Variants in VAT1L observed in about 807,000 individuals in gnomAD.
VAT1L encodes vesicle amine transport 1 like.
Under a neutral mutation model 44.1 loss-of-function variants are expected in VAT1L, and 34 were observed. The ratio of observed to expected loss-of-function variants is 0.77; its 90% confidence interval spans 0.59 to 1.03. The LOEUF is 1.03. Ranked by LOEUF, VAT1L falls within the 50% of genes least tolerant of loss-of-function variation. VAT1L has a pLI of 0.00. For missense variants in VAT1L, 615 were observed against 538.8 expected, an observed-to-expected ratio of 1.14 and a Z score of -1.40; for synonymous variants, 253 against 202.2, an observed-to-expected ratio of 1.25 and a Z score of -2.13.
chr16:77,920,361 TC>T (rs2017598494), intron 7 of VAT1L, among the ~76,000 whole-genome samples: 1 of 152,242 alleles, frequency 6.6e-6, no homozygotes, highest in South Asian at 2.1e-4. Context: ...ATAGCCTGTA[TC>T]CCAGCAATGC....
intron 7 of VAT1L, among the ~76,000 whole-genome samples, chr16:77,913,096 C>G (rs1447691897): frequency 6.6e-6 from 1 of 152,132 alleles, no homozygotes; most frequent in Non-Finnish European, 1.5e-5. Context: ...GCAGCTTTTG[C>G]TGTTTCTCCG....
chr16:77,835,332 T>C (rs758924392), intron 3 of VAT1L, among the ~76,000 whole-genome samples: 39 of 152,330 alleles, frequency 2.6e-4, no homozygotes, highest in Admixed American at 2.0e-4. Context: ...TATCCAACAG[T>C]CTGAATAGTC....
rs374354387 is a variant in VAT1L at position 77,832,860 on chromosome 16, C to T, written c.579+7399C>T. The stretch of plus-strand genomic sequence containing the variant: ...CCAACATCATCTTATCATTAAGCCA[C>T]AACAGCATGGAGCAAGTGACGATCT... On this transcript the variant is annotated intron_variant, in intron 3 of 8. Transcript: ENST00000302536. Among the ~76,000 whole-genome samples the T allele has an allele frequency of 5.3e-5, 8 of 152,316 alleles. No individual in the cohort carries two copies. The East Asian group carries it at 1.3e-3, about 26-fold the overall frequency.
At chr16:77,834,820 T>G (rs1402607845) in intron 3 of VAT1L, among the ~76,000 whole-genome samples, 1 of 152,218 alleles carries the variant, frequency 6.6e-6, no homozygotes, top group Non-Finnish European at 1.5e-5. Context: ...GCCTGGGCCC[T>G]GGAGTCAGTC....
intron 7 of VAT1L, among the ~76,000 whole-genome samples, chr16:77,938,887 C>CT (rs147647154): frequency 0.16 from 23,945 of 152,042 alleles, 2,332 homozygotes; most frequent in Non-Finnish European, 0.22. Flanking sequence ...ATCATCATTG[C>CT]TTTTTCTAAA....
At chr16:77,844,695 C>T (rs970820833) in intron 3 of VAT1L, among the ~76,000 whole-genome samples, 5 of 152,148 alleles carry the variant, frequency 3.3e-5, no homozygotes, top group Non-Finnish European at 5.9e-5. Context: ...AGGCGTGAGC[C>T]ACCACATCTG....
rs575654067 is a variant in VAT1L at position 77,961,116 on chromosome 16, G to C, written c.1078-10734G>C. On this transcript the variant is annotated intron_variant, in intron 7 of 8. Transcript: ENST00000302536. ...AGGACGCTGCAGCTCCTGTGCTGCTGTCTGTCTTTAACCTTGAGGGAAACA... is the reference window on the plus strand; with the variant it reads ...AGGACGCTGCAGCTCCTGTGCTGCTCTCTGTCTTTAACCTTGAGGGAAACA... 1.6e-3 allele frequency among the ~76,000 whole-genome samples: 243 copies of C among 152,234 alleles called. 1 individual carries two copies. The highest frequency in any genetic ancestry group is 2.7e-3 in the South Asian group (13 of 4,816).
chr16:77,830,352 C>A (rs544064817), intron 3 of VAT1L, among the ~76,000 whole-genome samples: 118 of 152,256 alleles, frequency 7.8e-4, no homozygotes, highest in Non-Finnish European at 1.3e-3. Context: ...GTAGCCTTAA[C>A]CCTTTAATAA....
intron 2 of VAT1L, among the ~76,000 whole-genome samples, chr16:77,820,517 G>T (rs1411201022): frequency 2.0e-5 from 3 of 152,140 alleles, no homozygotes; most frequent in African/African-American, 7.2e-5. Context: ...TGCAGAATAA[G>T]AGAAGGACCC....
rs2017189029 is a variant in VAT1L at position 77,884,542 on chromosome 16, A to G, written c.883-66A>G. 1 of 1,510,858 alleles carries G rather than the reference A, an allele frequency of 6.6e-7. No individual in the cohort carries two copies. Among genetic ancestry groups the G allele is most frequent in the Non-Finnish European group, 9.0e-7 (1 of 1,113,112 alleles). The allele number at this position is 1,510,858 out of a possible 1,614,324, so 93.6% of individuals were successfully genotyped here. On this transcript the variant is annotated intron_variant, in intron 6 of 8. Coordinates refer to ENST00000302536, the MANE Select transcript of VAT1L (RefSeq NM_020927.3). This position sits in a 1 kb window ranked among gnomAD's most constrained non-coding sequence, Gnocchi z 4.5. ...CCTGTAGTAGCTGATGACATCAGCA[A>G]TGCTGCCAATGTAGGCTTAACCCCG... is the stretch of plus-strand genomic sequence containing the variant.
intron 4 of VAT1L, among the ~76,000 whole-genome samples, chr16:77,874,867 A>G (rs1001377560): frequency 3.4e-5 from 5 of 145,570 alleles, no homozygotes; most frequent in African/African-American, 5.0e-5. Context: ...AAAAAAAGCC[A>G]GTCTGGCTCC....
At chr16:77,885,996 AAAAT>A (rs1425125313) in intron 7 of VAT1L, among the ~76,000 whole-genome samples, 1 of 152,182 alleles carries the variant, frequency 6.6e-6, no homozygotes, top group Non-Finnish European at 1.5e-5. Context: ...TTCTTATGAC[AAAAT>A]AAATACTCAT....
intron 3 of VAT1L, among the ~76,000 whole-genome samples, chr16:77,859,898 C>T (rs1310966012): frequency 6.6e-6 from 1 of 152,024 alleles, no homozygotes; most frequent in Non-Finnish European, 1.5e-5. Context: ...TATGTTGAAG[C>T]CCTAACCCCC....
intron 7 of VAT1L, among the ~76,000 whole-genome samples, chr16:77,963,249 G>A (rs772694248): frequency 1.3e-5 from 2 of 152,182 alleles, no homozygotes; most frequent in South Asian, 4.1e-4. Context: ...ATGAGATTAA[G>A]TTAGGGACTT....
At chr16:77,958,697 A>G (rs2018130312) in intron 7 of VAT1L, among the ~76,000 whole-genome samples, 1 of 152,232 alleles carries the variant, frequency 6.6e-6, no homozygotes, top group Non-Finnish European at 1.5e-5. Flanking sequence ...TTTAATTCAT[A>G]TGAACCCCTT....
intron 1 of VAT1L, among the ~76,000 whole-genome samples, chr16:77,809,231 G>A (rs762453303): frequency 2.6e-5 from 4 of 152,100 alleles, no homozygotes; most frequent in African/African-American, 7.2e-5. Flanking sequence ...ATTGTTTATG[G>A]TTGTTGTAAA....
rs960611473 is a variant in VAT1L, at chr16:77,892,762, C to T, written c.1077+7960C>T. On this transcript the variant is annotated intron_variant, in intron 7 of 8. Coordinates refer to ENST00000302536, the MANE Select transcript of VAT1L (RefSeq NM_020927.3). ...GCACAAATGGTTTCTAGTTTTTCATCTGTACTGCCAAGACTGAGGGGTTGG... is the reference window on the plus strand; with the variant it reads ...GCACAAATGGTTTCTAGTTTTTCATTTGTACTGCCAAGACTGAGGGGTTGG... 7 of 765,730 alleles carry T rather than the reference C, an allele frequency of 9.1e-6. No individual in the cohort carries two copies. In the African/African-American group the frequency reaches 1.2e-4, roughly 13 times the overall value. The allele number at this position is 765,730 out of a possible 1,614,324, so 47.4% of individuals were successfully genotyped here.
intron 1 of VAT1L, among the ~76,000 whole-genome samples, chr16:77,809,838 A>C (rs565833193): frequency 8.5e-5 from 13 of 152,278 alleles, no homozygotes; most frequent in African/African-American, 2.2e-4. Flanking sequence ...TTGTGTTTTA[A>C]ATTTCCTCCA....
At chr16:77,936,878 GTT>G (rs72013763) in intron 7 of VAT1L, among the ~76,000 whole-genome samples, 1 of 150,320 alleles carries the variant, frequency 6.7e-6, no homozygotes, top group Non-Finnish European at 1.5e-5. Context: ...TTTCTTGTTT[GTT>G]TGTTTGTTTG....
Sources: allele counts gnomAD v4.1 joint callset (sites outside exome capture counted in the v4.1 genomes callset), GRCh38; gene constraint gnomAD v4.1.1; non-coding constraint Gnocchi (gnomAD v3.1); transcripts MANE v1.5; gene names NCBI Gene and HGNC (gene_info 2026-07-23, HGNC 2026-07-21).